ISG20: variants seen among roughly 807,000 people sequenced by gnomAD.
The protein encoded by ISG20 is interferon stimulated exonuclease gene 20.
In ISG20, 8 loss-of-function variants were observed where a neutral mutation model predicts 11.1. The observed-to-expected ratio is 0.72, with a 90% confidence interval of 0.42 to 1.30. The LOEUF (loss-of-function observed/expected upper bound fraction) is 1.30, where lower values mean the gene tolerates loss of function less well. Ranked by LOEUF, ISG20 falls within the 50% of genes most tolerant of loss-of-function variation. The pLI, the probability that ISG20 is intolerant of heterozygous loss-of-function variation, is 0.01. For synonymous variants in ISG20, 110 were observed against 101.7 expected (o/e 1.08, Z -0.49); for missense variants, 243 against 250.2 (o/e 0.97, Z 0.19).
chr15:88,636,476 T>A (rs1423555750), upstream of ISG20, among the ~76,000 whole-genome samples: 2 of 152,208 alleles, frequency 1.3e-5, no homozygotes, highest in African/African-American at 4.8e-5. Flanking sequence ...GGGGGAACAG[T>A]AAATGAACAA....
At chr15:88,640,325 G>C (rs374882293) in intron 2 of ISG20, among the ~76,000 whole-genome samples, 5 of 152,150 alleles carry the variant, frequency 3.3e-5, no homozygotes, top group African/African-American at 1.2e-4. Context: ...CACCCAATCC[G>C]TGCCAGGCTC....
intron 3 of ISG20, among the ~76,000 whole-genome samples, chr15:88,653,379 C>A (rs1475110530): frequency 6.6e-6 from 1 of 152,096 alleles, no homozygotes; most frequent in Non-Finnish European, 1.5e-5. Flanking sequence ...AGAGTGGGGC[C>A]AGGTGAGTCA....
At chr15:88,639,008 G>T, upstream of ISG20, 1 of 351,086 alleles carries the variant, frequency 2.8e-6, no homozygotes, top group South Asian at 3.8e-5. The surrounding 1 kb of genome is among the most constrained non-coding windows in gnomAD (Gnocchi z 4.2). Flanking sequence ...TCACCGCTGA[G>T]AGCAGCTGCA....
At position 88,651,865 on chromosome 15, in the gene ISG20, T is replaced by C. The variant is rs566387827; in HGVS notation, c.229-245T>C. On this transcript the variant is annotated intron_variant, in intron 2 of 3. Coordinates refer to ENST00000306072, the MANE Select transcript of ISG20 (RefSeq NM_002201.6). ...ATACTCAGGATGTACTAACCATTGC[T>C]CCTACACAGTTCAGCTCCTGAAGGA... The C allele has an allele frequency of 1.5e-5, 21 of 1,372,958 alleles. No homozygotes were observed. In the South Asian group the frequency reaches 3.2e-4, roughly 21 times the overall value. 85.0% of individuals were successfully genotyped at this position (1,372,958 alleles called of 1,614,324 possible). A position where few individuals can be genotyped will look rare whatever the true frequency, so the allele number is the denominator to read the frequency against.
chr15:88,650,279 T>G lies in ISG20; in HGVS notation c.229-1831T>G. The G allele has an allele frequency of 2.0e-6, 3 of 1,535,680 alleles. No homozygotes were observed. The highest frequency in any genetic ancestry group is 2.6e-6 in the Non-Finnish European group (3 of 1,146,896). On this transcript the variant is annotated intron_variant, in intron 2 of 3. Transcript: ENST00000306072. This position sits in a 1 kb window ranked among gnomAD's most constrained non-coding sequence, Gnocchi z 4.0. The stretch of plus-strand genomic sequence containing the variant: ...CAACGGCAGCTGAGTGAAAGCAAGC[T>G]GACTGGCCTGTGTGACCAGAGCAGG...
chr15:88,641,110 A>T (rs927693866), intron 2 of ISG20, among the ~76,000 whole-genome samples: 1 of 151,872 alleles, frequency 6.6e-6, no homozygotes. Context: ...CTCTGGCCTC[A>T]GCCTCCCAAG....
chr15:88,650,796 C>A lies in ISG20; in HGVS notation c.229-1314C>A, dbSNP rs1454795128. 6.3e-6 allele frequency: 1 copy of A among 159,162 alleles called. No homozygotes were observed. Among genetic ancestry groups the A allele is most frequent in the Non-Finnish European group, 1.4e-5 (1 of 72,380 alleles). The allele number at this position is 159,162 out of a possible 1,614,324, so 9.9% of individuals were successfully genotyped here. A position where few individuals can be genotyped will look rare whatever the true frequency, so the allele number is the denominator to read the frequency against. On this transcript the variant is annotated intron_variant, in intron 2 of 3. Transcript: ENST00000306072. The surrounding 1 kb of genome is among the most constrained non-coding windows in gnomAD (Gnocchi z 4.0). The stretch of plus-strand genomic sequence containing the variant: ...TTATTTATTTATTTATTTATTGAGA[C>A]GGAGTCGTGCTCAGTCGCCCAAGCT...
rs565901318 is a variant in ISG20 at position 88,643,078 on chromosome 15, A to ATAAG, written c.228+3484_228+3485insTAAG. On this transcript the variant is annotated intron_variant, in intron 2 of 3. Transcript: ENST00000306072. The surrounding 1 kb of genome is among the most constrained non-coding windows in gnomAD (Gnocchi z 4.4). ...CTCTACAAAAAAAATAAATAAATAA[A>ATAAG]ATAAAAATTAGCCAGACATGGTGGT... Among the ~76,000 whole-genome samples the ATAAG allele has an allele frequency of 1.6e-3, 236 of 152,036 alleles. 1 individual carries two copies. Among genetic ancestry groups the ATAAG allele is most frequent in the African/African-American group, 5.3e-3 (220 of 41,506 alleles).
intron 3 of ISG20, 56 bp from the exon 4 acceptor site, chr15:88,655,359 C>T (rs200664680): frequency 9.7e-5 from 145 of 1,500,512 alleles, no homozygotes; most frequent in Middle Eastern, 3.7e-4. Flanking sequence ...GACCCTGTCA[C>T]GGGGCCTCTG....
chr15:88,639,615 C>T lies in ISG20; in HGVS notation c.228+21C>T. The stretch of plus-strand genomic sequence containing the variant: ...TAGAGGTGAGTGAAGGCCCGGCCAG[C>T]AGGGGCTTTGGAAATAACCCCTCTC... On this transcript the variant is annotated intron_variant, in intron 2 of 3. Transcript: ENST00000306072. This position sits in a 1 kb window ranked among gnomAD's most constrained non-coding sequence, Gnocchi z 4.2. 1.3e-6 allele frequency: 2 copies of T among 1,595,518 alleles called. No homozygotes were observed. The highest frequency in any genetic ancestry group is 1.7e-6 in the Non-Finnish European group (2 of 1,163,646).
At chr15:88,640,005 G>A (rs988497121) in intron 2 of ISG20, among the ~76,000 whole-genome samples, 3 of 152,212 alleles carry the variant, frequency 2.0e-5, no homozygotes, top group Admixed American at 6.5e-5. Flanking sequence ...TGGAGAACAG[G>A]CTGAGCCTCG....
At chr15:88,651,093 C>A in intron 2 of ISG20, 1 of 575,382 alleles carries the variant, frequency 1.7e-6, no homozygotes, top group Non-Finnish European at 2.2e-6. Context: ...AATTGCGGTC[C>A]CAGAGAGAAG....
At chr15:88,645,944 G>A (rs2058165275) in intron 2 of ISG20, among the ~76,000 whole-genome samples, 1 of 152,216 alleles carries the variant, frequency 6.6e-6, no homozygotes. Context: ...ACTTGAGAAT[G>A]TTTGTGGGAT....
intron 2 of ISG20, chr15:88,647,732 C>A (rs928933781): frequency 1.3e-5 from 2 of 152,174 alleles, no homozygotes; most frequent in African/African-American, 4.8e-5. Flanking sequence ...TTTTTAGTAA[C>A]TTGTAAATCA....
At chr15:88,636,425 T>TTTTGAA (rs2057985995), upstream of ISG20, 5 of 152,226 alleles carry the variant, frequency 3.3e-5, no homozygotes, top group Non-Finnish European at 5.9e-5. Flanking sequence ...CAGGCAGGGT[T>TTTTGAA]CTAGGTGCTG....
chr15:88,650,821 T>C lies in ISG20; in HGVS notation c.229-1289T>C, dbSNP rs151124140. 673 of 156,540 alleles carry C rather than the reference T, an allele frequency of 4.3e-3. 5 individuals carry two copies. The highest frequency in any genetic ancestry group is 0.016 in the African/African-American group (644 of 41,546). 9.7% of individuals were successfully genotyped at this position (156,540 alleles called of 1,614,324 possible). On this transcript the variant is annotated intron_variant, in intron 2 of 3. Transcript: ENST00000306072. The surrounding 1 kb of genome is among the most constrained non-coding windows in gnomAD (Gnocchi z 4.0). The stretch of plus-strand genomic sequence containing the variant: ...CGGAGTCGTGCTCAGTCGCCCAAGC[T>C]GTAGTGCAGTGGCACGATCTCAGCT...
At chr15:88,637,631 G>C (rs2058006173), upstream of ISG20, among the ~76,000 whole-genome samples, 1 of 152,092 alleles carries the variant, frequency 6.6e-6, no homozygotes, top group Non-Finnish European at 1.5e-5. Context: ...GAAAATATTG[G>C]AGGAGTGGGA....
chr15:88,639,611 C>A lies in ISG20; in HGVS notation c.228+17C>A, dbSNP rs780362610. 1 of 1,597,844 alleles carries A rather than the reference C, an allele frequency of 6.3e-7. No individual in the cohort carries two copies. Among genetic ancestry groups the A allele is most frequent in the Non-Finnish European group, 8.6e-7 (1 of 1,165,654 alleles). On this transcript the variant is annotated intron_variant, in intron 2 of 3. Coordinates refer to ENST00000306072, the MANE Select transcript of ISG20 (RefSeq NM_002201.6). This position sits in a 1 kb window ranked among gnomAD's most constrained non-coding sequence, Gnocchi z 4.2. Reference sequence around the variant, plus strand: ...AGGCTAGAGGTGAGTGAAGGCCCGGCCAGCAGGGGCTTTGGAAATAACCCC... The same window carrying A: ...AGGCTAGAGGTGAGTGAAGGCCCGGACAGCAGGGGCTTTGGAAATAACCCC...
At chr15:88,653,235 C>T (rs1258576930) in intron 3 of ISG20, among the ~76,000 whole-genome samples, 1 of 152,094 alleles carries the variant, frequency 6.6e-6, no homozygotes, top group Non-Finnish European at 1.5e-5. Context: ...CATCAGCACA[C>T]ATGGTAAGGA....
Sources: allele counts gnomAD v4.1 joint callset (sites outside exome capture counted in the v4.1 genomes callset), GRCh38; gene constraint gnomAD v4.1.1; non-coding constraint Gnocchi (gnomAD v3.1); transcripts MANE v1.5; gene names NCBI Gene and HGNC (gene_info 2026-07-23, HGNC 2026-07-21).